Variants in WWOX observed in about 807,000 individuals in gnomAD.
The protein encoded by WWOX is WW domain containing oxidoreductase.
Under a neutral mutation model 46.2 loss-of-function variants are expected in WWOX, and 69 were observed. The ratio of observed to expected loss-of-function variants is 1.49; its 90% CI spans 1.23 to 1.82. WWOX has a LOEUF of 1.82. WWOX is among the 40% of genes most tolerant of loss of function. WWOX has a pLI of 0.00. For missense variants in WWOX, 919 were observed against 542.6 expected (o/e 1.69, Z -6.89); for synonymous variants, 359 against 202.6 (o/e 1.77, Z -6.56).
rs115338800 is a variant in WWOX, at chr16:78,632,882, C to T, written c.1056+200130C>T. On this transcript the variant is annotated intron_variant, in intron 8 of 8. Transcript: ENST00000566780. ...CTACTTGGCCAAATTCTTGCCTGAT[C>T]GCCTCTCCACCCCTGCTACGTGTAA... is the stretch of plus-strand genomic sequence containing the variant. Among the ~76,000 whole-genome samples the T allele has an allele frequency of 7.4e-4, 113 of 152,002 alleles. 1 individual carries two copies. Among genetic ancestry groups the T allele is most frequent in the African/African-American group, 1.5e-3 (61 of 41,454 alleles).
chr16:78,498,034 C>T (rs1018658018), intron 8 of WWOX, among the ~76,000 whole-genome samples: 4 of 151,706 alleles, frequency 2.6e-5, no homozygotes, highest in Non-Finnish European at 4.4e-5. Context: ...AATGCTGTCT[C>T]TACTAAAAAT....
chr16:78,636,600 C>G (rs1000318984), intron 8 of WWOX, among the ~76,000 whole-genome samples: 1 of 152,138 alleles, frequency 6.6e-6, no homozygotes, highest in African/African-American at 2.4e-5. Context: ...TCTCTCACTC[C>G]ATGGGAACTT....
At chr16:79,170,224 C>G (rs12445325) in intron 8 of WWOX, among the ~76,000 whole-genome samples, 1 of 152,158 alleles carries the variant, frequency 6.6e-6, no homozygotes, top group African/African-American at 2.4e-5. Context: ...CACATTTCTC[C>G]TTACAAACAT....
chr16:79,025,172 C>A (rs913830201), intron 8 of WWOX, among the ~76,000 whole-genome samples: 1 of 152,104 alleles, frequency 6.6e-6, no homozygotes, highest in Non-Finnish European at 1.5e-5. Context: ...TGCGGTTCCC[C>A]TGTGTCGGAC....
intron 8 of WWOX, among the ~76,000 whole-genome samples, chr16:78,909,554 C>G (rs926082776): frequency 6.6e-6 from 1 of 152,182 alleles, no homozygotes; most frequent in Non-Finnish European, 1.5e-5. Flanking sequence ...CCCTCAGCCT[C>G]TCTTTGGCCT....
chr16:78,662,481 G>C (rs543103795), intron 8 of WWOX, among the ~76,000 whole-genome samples: 7 of 152,198 alleles, frequency 4.6e-5, no homozygotes, highest in East Asian at 1.9e-4. Flanking sequence ...ACCTCACTGA[G>C]CACCTACCAT....
intron 8 of WWOX, among the ~76,000 whole-genome samples, chr16:78,971,833 C>T (rs532042826): frequency 1.3e-5 from 2 of 149,590 alleles, no homozygotes; most frequent in African/African-American, 4.9e-5. Flanking sequence ...AGAACACTAA[C>T]AAGAGAAAGC....
intron 8 of WWOX, among the ~76,000 whole-genome samples, chr16:78,841,193 T>A (rs2052138087): frequency 6.6e-6 from 1 of 152,210 alleles, no homozygotes; most frequent in African/African-American, 2.4e-5. Context: ...GCAGGGGCCT[T>A]CTAAATCAAG....
At chr16:79,058,844 A>G (rs760694127) in intron 8 of WWOX, among the ~76,000 whole-genome samples, 3 of 152,210 alleles carry the variant, frequency 2.0e-5, no homozygotes, top group Non-Finnish European at 4.4e-5. Context: ...GTGTATTTTT[A>G]TTTGCTAACT....
chr16:78,735,125 G>C (rs773459886), intron 8 of WWOX, among the ~76,000 whole-genome samples: 1 of 151,412 alleles, frequency 6.6e-6, no homozygotes, highest in African/African-American at 2.4e-5. Flanking sequence ...CCTTGACGTC[G>C]CAAAGTGCTG....
At chr16:78,456,652 A>G (rs1423141110) in intron 8 of WWOX, among the ~76,000 whole-genome samples, 3 of 152,202 alleles carry the variant, frequency 2.0e-5, no homozygotes, top group African/African-American at 7.2e-5. Context: ...GTGTTTCTGA[A>G]ACATCCTGAT....
chr16:78,303,907 A>G (rs1271268792), intron 5 of WWOX, among the ~76,000 whole-genome samples: 5 of 152,178 alleles, frequency 3.3e-5, no homozygotes. Flanking sequence ...CCTATTCTGG[A>G]AAGAGCCAAG....
chr16:78,901,879 C>G (rs548111715), intron 8 of WWOX, among the ~76,000 whole-genome samples: 1 of 152,328 alleles, frequency 6.6e-6, no homozygotes, highest in Admixed American at 6.5e-5. Flanking sequence ...ACGGGCCTCT[C>G]CTACAAATCT....
intron 8 of WWOX, among the ~76,000 whole-genome samples, chr16:78,659,124 C>G (rs557718938): frequency 2.7e-5 from 4 of 149,204 alleles, no homozygotes; most frequent in Non-Finnish European, 4.5e-5. Flanking sequence ...AAAAAAAAAA[C>G]AAAACACATG....
chr16:78,623,215 G>A (rs1218541433), intron 8 of WWOX, among the ~76,000 whole-genome samples: 1 of 152,010 alleles, frequency 6.6e-6, no homozygotes, highest in Non-Finnish European at 1.5e-5. Flanking sequence ...AAATGTATGT[G>A]GCTTTAAGCT....
chr16:78,405,207 G>C (rs1384703575), intron 6 of WWOX, among the ~76,000 whole-genome samples: 2 of 152,172 alleles, frequency 1.3e-5, no homozygotes, highest in African/African-American at 2.4e-5. Flanking sequence ...ACTATAAGAA[G>C]TTGCAAATGG....
intron 8 of WWOX, among the ~76,000 whole-genome samples, chr16:78,804,684 TTC>T (rs1342341080): frequency 6.6e-6 from 1 of 152,196 alleles, no homozygotes; most frequent in Non-Finnish European, 1.5e-5. Flanking sequence ...ACTTTCAAAT[TTC>T]TGTTTTTTTT....
chr16:79,184,668 G>A (rs141368808), intron 8 of WWOX, among the ~76,000 whole-genome samples: 94 of 152,292 alleles, frequency 6.2e-4, no homozygotes, highest in Admixed American at 1.4e-3. Flanking sequence ...CTCCCACCCC[G>A]TGGTGATTCA....
intron 8 of WWOX, among the ~76,000 whole-genome samples, chr16:78,461,752 G>A (rs140782240): frequency 9.2e-5 from 14 of 152,256 alleles, no homozygotes; most frequent in African/African-American, 2.6e-4. Flanking sequence ...TATGATCGTC[G>A]AGCCCTCCCT....
Sources: allele counts gnomAD v4.1 joint callset (sites outside exome capture counted in the v4.1 genomes callset), GRCh38; gene constraint gnomAD v4.1.1; transcripts MANE v1.5; gene names NCBI Gene and HGNC (gene_info 2026-07-23, HGNC 2026-07-21).